Variants in AIG1 observed in about 807,000 individuals in gnomAD.
AIG1 encodes the protein androgen-induced gene 1 protein.
A neutral mutation model predicts 31.4 loss-of-function variants in AIG1; 23 were observed. The ratio of observed to expected loss-of-function variants is 0.73; its 90% confidence interval spans 0.53 to 1.04. AIG1 has a LOEUF of 1.04. Among genes scored for constraint, AIG1 ranks in the 50% least tolerant of loss-of-function variants. AIG1 has a pLI of 0.00. For synonymous variants in AIG1, 100 were observed against 110.5 expected (o/e 0.90, Z 0.60); for missense variants, 274 against 295.0 (o/e 0.93, Z 0.52).
Position 143,325,768 on chromosome 6 carries a change from G to C in AIG1, c.516-7514G>C, listed in dbSNP as rs1776558693. On this transcript the variant is annotated intron_variant, in intron 4 of 5. Coordinates refer to ENST00000357847, the MANE Select transcript of AIG1 (RefSeq NM_016108.4). This position sits in a 1 kb window ranked among gnomAD's most constrained non-coding sequence, Gnocchi z 4.3. ...TAATTCTTATCATCATTATATGCAA[G>C]GCCCTGTAATATTTTCTCCTCTGTT... Among the ~76,000 whole-genome samples the C allele has an allele frequency of 6.6e-6, 1 of 152,148 alleles. No homozygotes were observed. The highest frequency in any genetic ancestry group is 1.5e-5 in the Non-Finnish European group (1 of 68,030).
chr6:143,097,866 C>T (rs956618385), intron 1 of AIG1, among the ~76,000 whole-genome samples: 1 of 152,320 alleles, frequency 6.6e-6, no homozygotes, highest in East Asian at 1.9e-4. Context: ...TACTTTCTCT[C>T]CTATTGCAGT....
chr6:143,076,349 T>C (rs7771808), intron 1 of AIG1, among the ~76,000 whole-genome samples: 38,339 of 152,108 alleles, frequency 0.25, 8,736 homozygotes, highest in African/African-American at 0.58. Context: ...TTCCTTGCTC[T>C]AAAGTCTGCT....
chr6:143,200,239 T>C (rs1444636790), intron 3 of AIG1, among the ~76,000 whole-genome samples: 1 of 152,150 alleles, frequency 6.6e-6, no homozygotes, highest in African/African-American at 2.4e-5. Context: ...AAGCTGTAGG[T>C]AGAGTATGAG....
intron 1 of AIG1, among the ~76,000 whole-genome samples, chr6:143,065,679 C>T (rs1469313248): frequency 6.6e-6 from 1 of 152,166 alleles, no homozygotes; most frequent in Non-Finnish European, 1.5e-5. Context: ...CCCAAATTTT[C>T]ATTGAGTATT....
chr6:143,339,629 G>A lies in AIG1; in HGVS notation c.680-10G>A. The stretch of plus-strand genomic sequence containing the variant: ...GATGCTCAAATAAAACACTTTGCCT[G>A]TATTTCTAGGTATGGAAGAAGAGAA... On this transcript the variant is annotated splice_polypyrimidine_tract_variant and intron_variant, in intron 5 of 5. Coordinates refer to ENST00000357847, the MANE Select transcript of AIG1 (RefSeq NM_016108.4). The A allele has an allele frequency of 1.2e-6, 2 of 1,612,714 alleles. No homozygotes were observed. The highest frequency in any genetic ancestry group is 1.7e-6 in the Non-Finnish European group (2 of 1,179,344).
intron 4 of AIG1, among the ~76,000 whole-genome samples, chr6:143,321,407 T>A (rs1674180831): frequency 6.6e-6 from 1 of 151,818 alleles, no homozygotes; most frequent in Admixed American, 6.6e-5. Flanking sequence ...AAGACCAGCC[T>A]GGCCAACATG....
intron 4 of AIG1, among the ~76,000 whole-genome samples, chr6:143,304,865 T>C (rs190196535): frequency 6.6e-6 from 1 of 152,280 alleles, no homozygotes; most frequent in East Asian, 1.9e-4. Flanking sequence ...CTGGACTCTT[T>C]TTGGTTGGTA....
At chr6:143,220,207 A>C (rs763848596) in intron 3 of AIG1, among the ~76,000 whole-genome samples, 8 of 152,164 alleles carry the variant, frequency 5.3e-5, no homozygotes, top group Non-Finnish European at 1.2e-4. Flanking sequence ...TTCTGAGAGA[A>C]GTCTTCTTTG....
At chr6:143,196,529 T>C (rs895777355) in intron 3 of AIG1, among the ~76,000 whole-genome samples, 1 of 152,208 alleles carries the variant, frequency 6.6e-6, no homozygotes, top group African/African-American at 2.4e-5. Flanking sequence ...AGATAAGCCA[T>C]TTGATTCTGA....
rs143216239 is a variant in AIG1, at chr6:143,291,287, G to A, written c.515+7062G>A. ...GCTGGAGTTGAGCTGTCTTGATGGT[G>A]GCCCACCCAAGAAAGAATGGCTCCT... On this transcript the variant is annotated intron_variant, in intron 4 of 5. Coordinates refer to ENST00000357847, the MANE Select transcript of AIG1 (RefSeq NM_016108.4). The surrounding 1 kb of genome is among the most constrained non-coding windows in gnomAD (Gnocchi z 4.2). 1.2e-3 allele frequency among the ~76,000 whole-genome samples: 181 copies of A among 152,236 alleles called. No homozygotes were observed. Among genetic ancestry groups the A allele is most frequent in the African/African-American group, 3.9e-3 (162 of 41,534 alleles).
chr6:143,343,724 A>T (rs975215349), downstream of AIG1, among the ~76,000 whole-genome samples: 2 of 152,136 alleles, frequency 1.3e-5, no homozygotes, highest in African/African-American at 2.4e-5. Flanking sequence ...TGTTATAAAT[A>T]TTTTTAATTT....
chr6:143,100,130 C>G (rs1780123083), intron 1 of AIG1, among the ~76,000 whole-genome samples: 1 of 152,192 alleles, frequency 6.6e-6, no homozygotes, highest in South Asian at 2.1e-4. Flanking sequence ...GGTCCTGATG[C>G]CACCCACTGA....
intron 3 of AIG1, among the ~76,000 whole-genome samples, chr6:143,267,836 A>G (rs80126615): frequency 0.013 from 1,978 of 152,302 alleles, 26 homozygotes; most frequent in East Asian, 0.024. Flanking sequence ...ATCACTGTGT[A>G]CACTGGGGAC....
At chr6:143,248,558 G>A (rs1268034319) in intron 3 of AIG1, among the ~76,000 whole-genome samples, 1 of 152,154 alleles carries the variant, frequency 6.6e-6, no homozygotes, top group African/African-American at 2.4e-5. Flanking sequence ...GGTAACCACT[G>A]CAAACAGAGA....
At chr6:143,237,391 T>C (rs1210866927) in intron 3 of AIG1, among the ~76,000 whole-genome samples, 1 of 152,228 alleles carries the variant, frequency 6.6e-6, no homozygotes, top group African/African-American at 2.4e-5. Flanking sequence ...GAGGCTACAA[T>C]TTATTCATTT....
At chr6:143,208,084 A>T (rs1040674430) in intron 3 of AIG1, among the ~76,000 whole-genome samples, 1 of 152,186 alleles carries the variant, frequency 6.6e-6, no homozygotes, top group African/African-American at 2.4e-5. Flanking sequence ...TGCACTGTAG[A>T]GGCTTTTGCT....
intron 3 of AIG1, among the ~76,000 whole-genome samples, chr6:143,267,795 G>T (rs1796254868): frequency 6.6e-6 from 1 of 152,166 alleles, no homozygotes; most frequent in African/African-American, 2.4e-5. Flanking sequence ...TCATGAGGGA[G>T]GCTCCTGGTG....
chr6:143,229,784 CAAAAAAA>C (rs751464049), intron 3 of AIG1, among the ~76,000 whole-genome samples: 8 of 80,712 alleles, frequency 9.9e-5, no homozygotes, highest in Admixed American at 1.4e-4. Context: ...ACTCTCAGAA[CAAAAAAA>C]AAAAAAAAAA....
At chr6:143,169,853 T>C (rs13215649) in intron 3 of AIG1, among the ~76,000 whole-genome samples, 41,118 of 152,092 alleles carry the variant, frequency 0.27, 6,585 homozygotes, top group East Asian at 0.83. Flanking sequence ...CTGTGTCTAT[T>C]GAGATAATCA....
Sources: gnomAD v4.1 joint callset for allele counts (sites outside exome capture counted in the v4.1 genomes callset) on GRCh38, gnomAD v4.1.1 for gene constraint, Gnocchi (gnomAD v3.1) non-coding constraint, MANE v1.5 for transcripts, NCBI Gene and HGNC (gene_info 2026-07-23, HGNC 2026-07-21) for gene names.